PCDHA10: variants seen among roughly 807,000 people sequenced by gnomAD.
PCDHA10 encodes the protein protocadherin alpha-10.
PCDHA10 carries 45 observed loss-of-function variants against 61.2 expected under a neutral mutation model. The observed-to-expected ratio is 0.74, with a 90% CI of 0.58 to 0.94. The LOEUF is 0.94. Among genes scored for constraint, PCDHA10 ranks in the 40% least tolerant of loss-of-function variants. The probability of loss-of-function intolerance (pLI) is 0.00; values close to 1 mark genes in which losing one functional copy is unlikely to be tolerated. For missense variants in PCDHA10, 1,278 were observed against 1,236.2 expected, an observed-to-expected ratio of 1.03 and a Z score of -0.51; for synonymous variants, 602 against 548.8, an observed-to-expected ratio of 1.10 and a Z score of -1.35.
At position 140,929,224 on chromosome 5, in the gene PCDHA10, G is replaced by A. The variant is rs138816649; in HGVS notation, c.2389-49725G>A. 8.1e-6 allele frequency: 13 copies of A among 1,613,792 alleles called. No individual in the cohort carries two copies. In the African/African-American group the frequency reaches 1.5e-4, roughly 18 times the overall value. ...GCTGTTGCGTGGGGAGTACAATGCT[G>A]CCGACCTGCGAAATCTTGCCACTGG... On this transcript the variant is annotated intron_variant, in intron 1 of 3. Transcript: ENST00000307360.
intron 3 of PCDHA10, among the ~76,000 whole-genome samples, chr5:141,000,194 G>A (rs2097896080): frequency 6.6e-6 from 1 of 151,746 alleles, no homozygotes; most frequent in South Asian, 2.1e-4. Context: ...TGTGAGAATA[G>A]TTTTTCACCT....
At chr5:140,862,912 C>T (rs1554157229) in intron 1 of PCDHA10, 1 of 550,038 alleles carries the variant, frequency 1.8e-6, no homozygotes, top group Non-Finnish European at 3.5e-6. Flanking sequence ...GCTGCTGGCG[C>T]CTTGGGTGGG....
At chr5:140,982,273 A>G (rs1554243953) in intron 2 of PCDHA10, 2 of 943,086 alleles carry the variant, frequency 2.1e-6, no homozygotes, top group Non-Finnish European at 3.0e-6. Context: ...CTGGAATAGT[A>G]TAGCAGGCAA....
chr5:140,923,719 G>A (rs906860011), intron 1 of PCDHA10, among the ~76,000 whole-genome samples: 5 of 152,182 alleles, frequency 3.3e-5, no homozygotes, highest in African/African-American at 1.2e-4. Context: ...GAATAAGAAT[G>A]CAATGTTATG....
At chr5:140,978,909 C>G (rs782321430) in intron 1 of PCDHA10, 40 bp from the exon 2 acceptor site, 2 of 1,613,660 alleles carry the variant, frequency 1.2e-6, no homozygotes, top group South Asian at 2.2e-5. Context: ...AGAACATTGT[C>G]TTGTCATTTT....
chr5:140,856,349 T>C lies in PCDHA10; in HGVS notation c.301T>C (p.Cys101Arg). ...GGAGCTGTGCGGGCGGAGCGTGGAG[T>C]GCAGCATCCACCTGGAGGTGATCGT... ...REELCGRSVE[C>R]SIHLEVIVDR... Residue 101 changes from cysteine to arginine, a missense_variant, in exon 1 of 4, where the codon TGC becomes CGC. Coordinates refer to ENST00000307360, the MANE Select transcript of PCDHA10 (RefSeq NM_018901.4). The C allele has an allele frequency of 6.3e-7, 1 of 1,598,368 alleles. No homozygotes were observed. Among genetic ancestry groups the C allele is most frequent in the Non-Finnish European group, 8.6e-7 (1 of 1,167,920 alleles).
At chr5:140,926,719 A>G (rs1315762828) in intron 1 of PCDHA10, 38 of 986,432 alleles carry the variant, frequency 3.9e-5, no homozygotes, top group Non-Finnish European at 4.4e-5. Flanking sequence ...AGCCCCGGCA[A>G]TGCCGGCGTT....
Position 140,873,523 on chromosome 5 carries a change from G to A in PCDHA10, c.2388+15087G>A, listed in dbSNP as rs1371984958. 2.0e-5 allele frequency among the ~76,000 whole-genome samples: 3 copies of A among 152,090 alleles called. No homozygotes were observed. In the East Asian group the frequency reaches 5.8e-4, roughly 29 times the overall value. ...GTCTTTTATACTTAATGCCAAGATTGCATTCTATGGTATAAAATTATAATT... is the reference window on the plus strand; with the variant it reads ...GTCTTTTATACTTAATGCCAAGATTACATTCTATGGTATAAAATTATAATT... On this transcript the variant is annotated intron_variant, in intron 1 of 3. Transcript: ENST00000307360.
intron 1 of PCDHA10, among the ~76,000 whole-genome samples, chr5:140,962,524 G>T (rs1410879766): frequency 6.6e-6 from 1 of 152,012 alleles, no homozygotes; most frequent in Non-Finnish European, 1.5e-5. Flanking sequence ...TAATATATTA[G>T]TTTTTTAGAA....
intron 1 of PCDHA10, chr5:140,875,665 C>A: frequency 6.2e-7 from 1 of 1,613,748 alleles, no homozygotes; most frequent in Non-Finnish European, 8.5e-7. Flanking sequence ...GCGCCTGTTC[C>A]GGGTGGCGTC....
chr5:140,995,286 C>T (rs571122259), intron 3 of PCDHA10, among the ~76,000 whole-genome samples: 18 of 152,182 alleles, frequency 1.2e-4, no homozygotes, highest in African/African-American at 3.4e-4. Context: ...CCAAAACAGC[C>T]AGTCGGATAC....
intron 1 of PCDHA10, chr5:140,881,407 A>G (rs2058705270): frequency 1.0e-6 from 1 of 956,680 alleles, no homozygotes; most frequent in South Asian, 4.8e-5. Flanking sequence ...TATTAAATCA[A>G]TAGGATATTA....
At chr5:140,916,464 G>T (rs2077577403) in intron 1 of PCDHA10, among the ~76,000 whole-genome samples, 1 of 152,206 alleles carries the variant, frequency 6.6e-6, no homozygotes, top group Non-Finnish European at 1.5e-5. Context: ...ATCACTGCTG[G>T]TTATTTGGTG....
chr5:140,987,165 G>A lies in PCDHA10; in HGVS notation c.2536+4602G>A, dbSNP rs191129148. Among the ~76,000 whole-genome samples, 1,195 of 151,202 alleles carry A rather than the reference G, an allele frequency of 7.9e-3. 19 individuals are homozygous for A. The highest frequency in any genetic ancestry group is 0.027 in the African/African-American group (1,126 of 41,156). On this transcript the variant is annotated intron_variant, in intron 3 of 3. Transcript: ENST00000307360. ...GGAGGTGGAGGTTGCAGTGAGCTGA[G>A]ATTGCACCACTGCACTCCAGCCTGG...
rs550398364 is a variant in PCDHA10, at chr5:140,897,290, G to A, written c.2388+38854G>A. Among the ~76,000 whole-genome samples the A allele has an allele frequency of 1.2e-4, 18 of 150,778 alleles. No homozygotes were observed. In the East Asian group the frequency reaches 1.4e-3, roughly 11 times the overall value. On this transcript the variant is annotated intron_variant, in intron 1 of 3. Coordinates refer to ENST00000307360, the MANE Select transcript of PCDHA10 (RefSeq NM_018901.4). ...GCTGGTGTGCTGCACCCATTAACTC[G>A]TCATTTAGCATTAGGTATATCTCCT...
intron 3 of PCDHA10, 123 bp from the exon 4 acceptor site, chr5:141,009,504 A>G: frequency 1.3e-6 from 2 of 1,497,074 alleles, no homozygotes; most frequent in Non-Finnish European, 1.8e-6. Flanking sequence ...ACTTGAACAA[A>G]CAACTCGTGA....
chr5:140,974,720 C>T (rs1554236283), intron 1 of PCDHA10, among the ~76,000 whole-genome samples: 1 of 152,070 alleles, frequency 6.6e-6, no homozygotes, highest in African/African-American at 2.4e-5. Context: ...AAGCTGCTCT[C>T]GAACTCCTGT....
chr5:140,943,729 A>G (rs1215938127), intron 1 of PCDHA10, among the ~76,000 whole-genome samples: 1 of 152,374 alleles, frequency 6.6e-6, no homozygotes, highest in South Asian at 2.1e-4. Context: ...TGAGAGAATG[A>G]AAGTCCACAG....
chr5:140,946,916 T>C (rs1554217963), intron 1 of PCDHA10, among the ~76,000 whole-genome samples: 4 of 151,468 alleles, frequency 2.6e-5, no homozygotes, highest in Non-Finnish European at 5.9e-5. Context: ...GTTCTGGTGT[T>C]TTATTGAACA....
Sources: gnomAD v4.1 joint callset for allele counts (sites outside exome capture counted in the v4.1 genomes callset) on GRCh38, gnomAD v4.1.1 for gene constraint, MANE v1.5 for transcripts, NCBI Gene and HGNC (gene_info 2026-07-23, HGNC 2026-07-21) for gene names.